Variants in SPAG6 observed in about 807,000 individuals in gnomAD.
SPAG6 encodes the protein sperm-associated antigen 6.
A neutral mutation model predicts 58.5 loss-of-function variants in SPAG6; 49 were observed. That is an observed-to-expected ratio of 0.84 (90% CI 0.67 to 1.06). The LOEUF is 1.06. Ranked by LOEUF, SPAG6 falls within the 50% of genes least tolerant of loss-of-function variation. The pLI, the probability that SPAG6 is intolerant of heterozygous loss-of-function variation, is 0.00. For synonymous variants in SPAG6, 233 were observed against 225.6 expected (o/e 1.03, Z -0.29); for missense variants, 560 against 611.3 (o/e 0.92, Z 0.89).
At chr10:22,406,722 G>C (rs1024192177) in intron 9 of SPAG6, among the ~76,000 whole-genome samples, 1 of 152,100 alleles carries the variant, frequency 6.6e-6, no homozygotes, top group Middle Eastern at 3.2e-3. Flanking sequence ...TGATCTGTCT[G>C]TGTTGACAGT....
At chr10:22,357,805 G>A (rs1470892592) in intron 2 of SPAG6, among the ~76,000 whole-genome samples, 1 of 137,738 alleles carries the variant, frequency 7.3e-6, no homozygotes, top group Admixed American at 8.3e-5. Flanking sequence ...TCATTGTTCA[G>A]TTCCCACCTA....
chr10:22,368,276 G>A (rs1164129438), intron 3 of SPAG6, among the ~76,000 whole-genome samples: 2 of 152,154 alleles, frequency 1.3e-5, no homozygotes, highest in African/African-American at 4.8e-5. Context: ...GAAATACAAT[G>A]TAAAACCTAC....
chr10:22,383,008 A>T (rs886821870), intron 4 of SPAG6, among the ~76,000 whole-genome samples: 2 of 152,234 alleles, frequency 1.3e-5, no homozygotes, highest in African/African-American at 2.4e-5. Context: ...CTTGTTTGTT[A>T]TGTAACAGTA....
intron 2 of SPAG6, among the ~76,000 whole-genome samples, chr10:22,363,611 C>A (rs1054966210): frequency 6.6e-6 from 1 of 152,124 alleles, no homozygotes; most frequent in Non-Finnish European, 1.5e-5. Flanking sequence ...TAAGCATCAC[C>A]GCTCTCTGCT....
chr10:22,356,249 A>G (rs1005541084), intron 2 of SPAG6, among the ~76,000 whole-genome samples: 1 of 152,222 alleles, frequency 6.6e-6, no homozygotes, highest in Non-Finnish European at 1.5e-5. Context: ...CAAACTAGAG[A>G]ACCATTTAAC....
In SPAG6 at chr10:22,345,840, C is replaced by G. The variant is rs376247326; in HGVS notation, c.121+22C>G. The stretch of plus-strand genomic sequence containing the variant: ...GCGGGTGAGCCCGGAGCCCGAACCC[C>G]CGTCGCCCCCCGCGCACTGAGTCCC... On this transcript the variant is annotated intron_variant, in intron 2 of 10. Transcript: ENST00000376624. This position sits in a 1 kb window ranked among gnomAD's most constrained non-coding sequence, Gnocchi z 6.3. 1.2e-6 allele frequency: 2 copies of G among 1,603,980 alleles called. No individual in the cohort carries two copies. Among genetic ancestry groups the G allele is most frequent in the Middle Eastern group, 1.7e-4 (1 of 6,054 alleles).
intron 4 of SPAG6, 47 bp from the exon 5 acceptor site, chr10:22,386,707 A>C (rs752225340): frequency 6.8e-7 from 1 of 1,480,470 alleles, no homozygotes; most frequent in South Asian, 1.1e-5. Flanking sequence ...GGCTTGCACA[A>C]GGGTCAGTCA....
In SPAG6 at chr10:22,345,881, G is replaced by A. The variant is rs1194129793; in HGVS notation, c.121+63G>A. On this transcript the variant is annotated intron_variant, in intron 2 of 10. Coordinates refer to ENST00000376624, the MANE Select transcript of SPAG6 (RefSeq NM_012443.4). This position sits in a 1 kb window ranked among gnomAD's most constrained non-coding sequence, Gnocchi z 6.3. ...ACTGAGTCCCCGACGCCTCCGCCCC[G>A]CTGCCCTGCCCGTGGAGCTCTTGGG... is the stretch of plus-strand genomic sequence containing the variant. The A allele has an allele frequency of 1.3e-6, 2 of 1,580,702 alleles. No homozygotes were observed. The highest frequency in any genetic ancestry group is 2.4e-5 in the East Asian group (1 of 42,506).
chr10:22,357,773 C>T (rs1048045445), intron 2 of SPAG6, among the ~76,000 whole-genome samples: 2 of 132,232 alleles, frequency 1.5e-5, no homozygotes, highest in African/African-American at 2.8e-5. Flanking sequence ...TGTGATGTTC[C>T]CCTTCCTGTG....
chr10:22,382,189 C>T (rs778324383), intron 4 of SPAG6, among the ~76,000 whole-genome samples: 3 of 152,054 alleles, frequency 2.0e-5, no homozygotes, highest in African/African-American at 2.4e-5. Flanking sequence ...GAAAAGATTA[C>T]GCTTCCCCCT....
chr10:22,405,714 A>C (rs1834535571), intron 9 of SPAG6, among the ~76,000 whole-genome samples: 1 of 152,132 alleles, frequency 6.6e-6, no homozygotes, highest in South Asian at 2.1e-4. Flanking sequence ...AAGGAATGGT[A>C]CCAGCTCCTC....
Position 22,345,820 on chromosome 10 carries a change from T to A in SPAG6, c.121+2T>A. On this transcript the variant is annotated splice_donor_variant, in intron 2 of 10. Transcript: ENST00000376624. LOFTEE classifies it high-confidence loss of function. This position sits in a 1 kb window ranked among gnomAD's most constrained non-coding sequence, Gnocchi z 6.3. ...ACATCGAGACGCTGCAGAACGCGGG[T>A]GAGCCCGGAGCCCGAACCCCCGTCG... The A allele has an allele frequency of 6.2e-7, 1 of 1,612,124 alleles. No individual in the cohort carries two copies. The highest frequency in any genetic ancestry group is 8.5e-7 in the Non-Finnish European group (1 of 1,179,300).
chr10:22,388,767 A>G (rs2132083669), intron 6 of SPAG6, among the ~76,000 whole-genome samples: 1 of 152,284 alleles, frequency 6.6e-6, no homozygotes, highest in Admixed American at 6.5e-5. Flanking sequence ...TTAGGTTAGA[A>G]TATTTCAAGT....
At chr10:22,364,491 G>A (rs1312714401) in intron 2 of SPAG6, among the ~76,000 whole-genome samples, 1 of 152,162 alleles carries the variant, frequency 6.6e-6, no homozygotes, top group African/African-American at 2.4e-5. Flanking sequence ...GATTTGCAAA[G>A]TCTGGGGGGA....
chr10:22,394,902 G>T (rs1588551209), intron 8 of SPAG6, among the ~76,000 whole-genome samples: 1 of 151,996 alleles, frequency 6.6e-6, no homozygotes, highest in East Asian at 1.9e-4. Context: ...GGAGAGACAG[G>T]GTCTCACTGT....
Position 22,368,662 on chromosome 10 carries a change from T to G in SPAG6, c.456T>G (p.Ile152Met). ...CTGCAGCCTGGGCACTTAGATATAT[T>G]GCAAGACATAATGCAGGTAATTTAA... ...KEAAAWALRY[I>M]ARHNAELSQA... Residue 152 changes from isoleucine (I) to methionine (M), a missense_variant, in exon 4 of 11, where the codon ATT becomes ATG. By Grantham distance (10) the Ile-to-Met change is conservative (BLOSUM62 1). Coordinates refer to ENST00000376624, the MANE Select transcript of SPAG6 (RefSeq NM_012443.4). The G allele has an allele frequency of 6.2e-7, 1 of 1,612,774 alleles. No individual in the cohort carries two copies.
Position 22,416,626 on chromosome 10 carries a change from T to G in SPAG6, c.1468T>G (p.Ser490Ala). ...CYPEEIVRYY[S>A]PGYSDTLLQR... ...GTGTATTTTCTTTTTCAGGTATTAT[T>G]CCCCTGGATATTCAGATACACTTCT... The change falls in exon 11 of 11, where the codon TCC becomes GCC. Residue 490 changes from serine to alanine, a missense_variant. Coordinates refer to ENST00000376624, the MANE Select transcript of SPAG6 (RefSeq NM_012443.4). 1 of 1,602,218 alleles carries G rather than the reference T, an allele frequency of 6.2e-7. No homozygotes were observed. The highest frequency in any genetic ancestry group is 8.5e-7 in the Non-Finnish European group (1 of 1,169,682).
intron 9 of SPAG6, among the ~76,000 whole-genome samples, chr10:22,402,822 T>C (rs1834446936): frequency 1.3e-5 from 2 of 152,216 alleles, no homozygotes; most frequent in Non-Finnish European, 2.9e-5. Flanking sequence ...ACCAGCTAAT[T>C]TGGTCCTCTA....
chr10:22,409,367 T>C (rs1834663457), intron 9 of SPAG6, among the ~76,000 whole-genome samples: 1 of 152,236 alleles, frequency 6.6e-6, no homozygotes, highest in Non-Finnish European at 1.5e-5. Context: ...CCAGCTGATT[T>C]ATATTATTGC....
Sources: gnomAD v4.1 joint callset for allele counts (sites outside exome capture counted in the v4.1 genomes callset) on GRCh38, gnomAD v4.1.1 for gene constraint, Gnocchi (gnomAD v3.1) non-coding constraint, MANE v1.5 for transcripts, NCBI Gene and HGNC (gene_info 2026-07-23, HGNC 2026-07-21) for gene names.